The following SMAD3 variants were observed in gnomAD, a reference collection of about 807,000 sequenced individuals.
SMAD3 encodes the protein MAD homolog 3.
A neutral mutation model predicts 51.8 loss-of-function variants in SMAD3; 12 were observed. The ratio of observed to expected loss-of-function variants is 0.23; its 90% CI spans 0.15 to 0.38. SMAD3 has a LOEUF of 0.38. Ranked by LOEUF, SMAD3 falls within the 10% of genes least tolerant of loss-of-function variation. The pLI is 1.00. For missense variants in SMAD3, 294 were observed against 565.6 expected, an observed-to-expected ratio of 0.52 and a Z score of 4.87; for synonymous variants, 238 against 227.7, an observed-to-expected ratio of 1.05 and a Z score of -0.41.
chr15:67,098,347 G>GGAGAGA (rs10665292), intron 1 of SMAD3, among the ~76,000 whole-genome samples: 29 of 142,672 alleles, frequency 2.0e-4, no homozygotes, highest in African/African-American at 7.0e-4. Context: ...AGGGAGGGAG[G>GGAGAGA]GAGAGAGCGA....
chr15:67,164,781 G>C, intron 1 of SMAD3, 114 bp from the exon 2 acceptor site: 2 of 1,106,380 alleles, frequency 1.8e-6, no homozygotes, highest in Non-Finnish European at 2.8e-6. Flanking sequence ...CTGGATCTGG[G>C]AGAAATGAGG....
At position 67,118,571 on chromosome 15, in the gene SMAD3, G is replaced by A. The variant is rs933598432; in HGVS notation, c.207-46324G>A. ...AGAGATCACTATTGTCACGGAAGGC[G>A]CTGGAAGGAGCTCTGCTTAGAAAAA... On this transcript the variant is annotated intron_variant, in intron 1 of 8. Coordinates refer to ENST00000327367, the MANE Select transcript of SMAD3 (RefSeq NM_005902.4). Among the ~76,000 whole-genome samples the A allele has an allele frequency of 7.2e-5, 11 of 152,318 alleles. No individual in the cohort carries two copies. In the South Asian group the frequency reaches 1.2e-3, roughly 17 times the overall value.
At chr15:67,178,193 CTT>C (rs1962957838) in intron 5 of SMAD3, among the ~76,000 whole-genome samples, 11 of 152,214 alleles carry the variant, frequency 7.2e-5, no homozygotes, top group Admixed American at 7.2e-4. Context: ...CCAGGCCTGT[CTT>C]TGATTCTGAG....
chr15:67,183,044 T>A (rs1963127235), intron 6 of SMAD3, among the ~76,000 whole-genome samples: 1 of 121,844 alleles, frequency 8.2e-6, no homozygotes, highest in African/African-American at 3.3e-5. Flanking sequence ...TTTTTTTTTT[T>A]TTTTTTTGGA....
chr15:67,079,477 G>A (rs1226067266), intron 1 of SMAD3, among the ~76,000 whole-genome samples: 1 of 152,158 alleles, frequency 6.6e-6, no homozygotes, highest in African/African-American at 2.4e-5. Context: ...TAGAAGCTTA[G>A]GTGAGCTGTT....
intron 1 of SMAD3, among the ~76,000 whole-genome samples, chr15:67,071,038 G>C (rs1960041535): frequency 6.6e-6 from 1 of 152,180 alleles, no homozygotes; most frequent in Admixed American, 6.5e-5. Context: ...TGTACTCAAA[G>C]AGCTCCCTGT....
At chr15:67,183,000 AATATATAT>A (rs1555413788) in intron 6 of SMAD3, among the ~76,000 whole-genome samples, 22 of 43,642 alleles carry the variant, frequency 5.0e-4, no homozygotes, top group East Asian at 1.1e-3. Flanking sequence ...AAAAAAAAAA[AATATATAT>A]ATATATATAT....
chr15:67,188,295 G>A (rs915659054), intron 8 of SMAD3, among the ~76,000 whole-genome samples: 7 of 151,628 alleles, frequency 4.6e-5, no homozygotes, highest in Admixed American at 2.0e-4. Flanking sequence ...GTGCTACCAC[G>A]CCTGGCTAAT....
In SMAD3 at chr15:67,166,400, G is replaced by C. The variant is rs891659738; in HGVS notation, c.533-379G>C. On this transcript the variant is annotated intron_variant, in intron 3 of 8. Coordinates refer to ENST00000327367, the MANE Select transcript of SMAD3 (RefSeq NM_005902.4). ...ATAGTAGGGACCAAAGGGTGGGTCT[G>C]AGCCTGCAGATCTTCAGAGGACAGA... The C allele has an allele frequency of 1.0e-5, 4 of 401,914 alleles. No individual in the cohort carries two copies. The Admixed American group carries it at 1.4e-4, about 14-fold the overall frequency. 24.9% of individuals were successfully genotyped at this position (401,914 alleles called of 1,614,324 possible).
chr15:67,189,665 C>A (rs2028762), intron 8 of SMAD3, among the ~76,000 whole-genome samples: 2 of 152,010 alleles, frequency 1.3e-5, no homozygotes, highest in African/African-American at 4.8e-5. Context: ...GGGCCCACAC[C>A]TCTCACCTCC....
At chr15:67,097,189 CT>C (rs1389303294) in intron 1 of SMAD3, among the ~76,000 whole-genome samples, 1 of 151,828 alleles carries the variant, frequency 6.6e-6, no homozygotes, top group African/African-American at 2.4e-5. Flanking sequence ...TCTCTCTGTC[CT>C]TTTTTTGTGG....
intron 1 of SMAD3, chr15:67,143,177 TA>T (rs1204447201): frequency 1.1e-5 from 2 of 181,290 alleles, no homozygotes; most frequent in African/African-American, 4.8e-5. Flanking sequence ...TCTGTATGAT[TA>T]TTTTTTGCAC....
intron 7 of SMAD3, 44 bp downstream of exon 7, chr15:67,184,908 G>A (rs765675110): frequency 2.2e-5 from 35 of 1,610,590 alleles, no homozygotes; most frequent in Non-Finnish European, 2.7e-5. Flanking sequence ...GTCCCTCTCC[G>A]AGTGCATGCC....
intron 1 of SMAD3, among the ~76,000 whole-genome samples, chr15:67,076,707 C>T (rs1283776608): frequency 6.6e-6 from 1 of 152,236 alleles, no homozygotes; most frequent in Non-Finnish European, 1.5e-5. Context: ...GGGACAGGCC[C>T]ATCTAGAGCA....
At chr15:67,157,051 A>G (rs1407020046) in intron 1 of SMAD3, among the ~76,000 whole-genome samples, 1 of 152,254 alleles carries the variant, frequency 6.6e-6, no homozygotes, top group Non-Finnish European at 1.5e-5. Flanking sequence ...ACAGTCATCA[A>G]GTGGCCAACA....
intron 1 of SMAD3, among the ~76,000 whole-genome samples, chr15:67,147,253 G>T (rs1184870684): frequency 6.6e-6 from 1 of 152,212 alleles, no homozygotes; most frequent in Admixed American, 6.5e-5. Flanking sequence ...GGCTGCAGTG[G>T]ACTGTGGCCC....
At chr15:67,094,007 T>C (rs1960562842) in intron 1 of SMAD3, among the ~76,000 whole-genome samples, 1 of 152,222 alleles carries the variant, frequency 6.6e-6, no homozygotes, top group Non-Finnish European at 1.5e-5. Context: ...TGAACCCGGA[T>C]TGCATTTTCT....
chr15:67,180,238 G>C (rs1431077555), intron 5 of SMAD3, among the ~76,000 whole-genome samples: 2 of 152,082 alleles, frequency 1.3e-5, no homozygotes, highest in East Asian at 1.9e-4. Flanking sequence ...GGAATTCCGA[G>C]GGCCCGGCCA....
intron 1 of SMAD3, among the ~76,000 whole-genome samples, chr15:67,107,463 G>A (rs1595903036): frequency 6.6e-6 from 1 of 152,220 alleles, no homozygotes; most frequent in African/African-American, 2.4e-5. Flanking sequence ...TTGTTGCCAT[G>A]CCCTCCTGCC....
Sources: allele counts gnomAD v4.1 joint callset (sites outside exome capture counted in the v4.1 genomes callset), GRCh38; gene constraint gnomAD v4.1.1; transcripts MANE v1.5; gene names NCBI Gene and HGNC (gene_info 2026-07-23, HGNC 2026-07-21).